The following EXOC4 variants were observed in gnomAD, a reference collection of about 807,000 sequenced individuals.
EXOC4 encodes exocyst complex component 4.
Under a neutral mutation model 107.2 loss-of-function variants are expected in EXOC4, and 71 were observed. That is an observed-to-expected ratio of 0.66 (90% CI 0.55 to 0.81). The LOEUF is 0.81. Ranked by LOEUF, EXOC4 falls within the 30% of genes least tolerant of loss-of-function variation. The pLI is 0.00. For synonymous variants in EXOC4, 456 were observed against 441.2 expected, an observed-to-expected ratio of 1.03 and a Z score of -0.42; for missense variants, 1,108 against 1,189.6, an observed-to-expected ratio of 0.93 and a Z score of 1.01.
At chr7:133,476,953 G>A (rs540350076) in intron 8 of EXOC4, among the ~76,000 whole-genome samples, 1 of 103,680 alleles carries the variant, frequency 9.6e-6, no homozygotes, top group South Asian at 5.0e-4. Context: ...AGACAGTGTG[G>A]GCAAGAAAAT....
intron 10 of EXOC4, among the ~76,000 whole-genome samples, chr7:133,809,048 T>C (rs971315871): frequency 6.6e-6 from 1 of 152,072 alleles, no homozygotes; most frequent in African/African-American, 2.4e-5. Flanking sequence ...ATTATTTCAG[T>C]TTGCTGGATT....
At chr7:133,402,879 A>T (rs1239961663) in intron 7 of EXOC4, among the ~76,000 whole-genome samples, 1 of 143,586 alleles carries the variant, frequency 7.0e-6, no homozygotes, top group Admixed American at 7.0e-5. Flanking sequence ...CAAGAGCCTA[A>T]TATTTTTTTT....
intron 13 of EXOC4, 61 bp from the exon 14 acceptor site, chr7:133,937,827 GTGT>G (rs1203728012): frequency 1.3e-6 from 2 of 1,526,334 alleles, no homozygotes; most frequent in Non-Finnish European, 1.8e-6. Flanking sequence ...GCCTAAAACA[GTGT>G]TGCCCGGTCC....
At chr7:133,973,575 T>C (rs775566094) in intron 14 of EXOC4, among the ~76,000 whole-genome samples, 37 of 152,014 alleles carry the variant, frequency 2.4e-4, no homozygotes, top group Non-Finnish European at 4.3e-4. Flanking sequence ...GCAAGGTCAG[T>C]TGAGATTTTA....
At chr7:133,538,839 A>AACAG (rs1800323123) in intron 9 of EXOC4, among the ~76,000 whole-genome samples, 5 of 118,424 alleles carry the variant, frequency 4.2e-5, no homozygotes, top group Non-Finnish European at 5.3e-5. Context: ...TCTTGAAAGA[A>AACAG]AAAGAAAGAA....
At chr7:134,070,796 G>C (rs796474432), downstream of EXOC4, among the ~76,000 whole-genome samples, 39 of 152,012 alleles carry the variant, frequency 2.6e-4, 1 homozygote, top group African/African-American at 9.2e-4. Flanking sequence ...AAAATAAAAG[G>C]AACTTAGGTG....
intron 11 of EXOC4, among the ~76,000 whole-genome samples, chr7:133,872,302 A>G (rs948561256): frequency 2.6e-5 from 4 of 152,218 alleles, no homozygotes; most frequent in African/African-American, 9.6e-5. Flanking sequence ...TTAGCAGTTA[A>G]TTCAATTTTG....
In EXOC4 at chr7:133,817,454, T is replaced by G; in HGVS notation, c.1644T>G (p.Ile548Met). ...NQVLAEINKE[I>M]EGVTKTSDPL... is the part of the protein sequence containing the mutation. ...TCTTGGCTGAGATCAACAAGGAGAT[T>G]GAAGGAGTCACTAAAACATCTGACC... The change falls in exon 11 of 18, where the codon ATT becomes ATG. Residue 548 changes from isoleucine to methionine, a missense_variant. Transcript: ENST00000253861. 6.2e-7 allele frequency: 1 copy of G among 1,614,180 alleles called. No homozygotes were observed. The highest frequency in any genetic ancestry group is 8.5e-7 in the Non-Finnish European group (1 of 1,180,010).
chr7:133,459,432 G>A (rs573152088), intron 7 of EXOC4, among the ~76,000 whole-genome samples: 11 of 152,284 alleles, frequency 7.2e-5, no homozygotes, highest in African/African-American at 2.4e-4. Context: ...GTCTTTTTGA[G>A]AGTTAAAATT....
the EXOC4 span, among the ~76,000 whole-genome samples, chr7:134,079,650 G>A: frequency 2.6e-5 from 4 of 152,256 alleles, no homozygotes; most frequent in South Asian, 4.2e-4. Context: ...GGAGCTGCCC[G>A]GTTGGGCTAT....
At position 133,400,545 on chromosome 7, in the gene EXOC4, T is replaced by A. The variant is rs187613158; in HGVS notation, c.1182+25543T>A. The stretch of plus-strand genomic sequence containing the variant: ...CTTTATTTTTTTCTTAGGATTCTTT[T>A]TGCTTTTCTTTTTTACAACAGCCTA... On this transcript the variant is annotated intron_variant, in intron 7 of 17. Coordinates refer to ENST00000253861, the MANE Select transcript of EXOC4 (RefSeq NM_021807.4). Among the ~76,000 whole-genome samples the A allele has an allele frequency of 3.3e-5, 5 of 152,338 alleles. No homozygotes were observed. In the East Asian group the frequency reaches 9.6e-4, roughly 29 times the overall value.
At chr7:133,616,905 ATTTTATAATC>A (rs1802206364) in intron 9 of EXOC4, among the ~76,000 whole-genome samples, 1 of 152,146 alleles carries the variant, frequency 6.6e-6, no homozygotes. Flanking sequence ...TGTAAAGGAA[ATTTTATAATC>A]TAAGAAATCA....
At chr7:133,727,553 GGTTA>G (rs1404229600) in intron 10 of EXOC4, 1 of 153,682 alleles carries the variant, frequency 6.5e-6, no homozygotes, top group Non-Finnish European at 1.5e-5. Context: ...CTGCCTTTGG[GGTTA>G]GTATGTTGTA....
intron 9 of EXOC4, among the ~76,000 whole-genome samples, chr7:133,564,946 C>G (rs1800877299): frequency 6.6e-6 from 1 of 152,126 alleles, no homozygotes; most frequent in Admixed American, 6.5e-5. Context: ...GAACTCAAAC[C>G]TAACCCAGCC....
chr7:133,965,433 GT>G (rs1801042627), intron 14 of EXOC4, among the ~76,000 whole-genome samples: 1 of 152,154 alleles, frequency 6.6e-6, no homozygotes, highest in South Asian at 2.1e-4. Flanking sequence ...TATTGCCTAG[GT>G]TTTCTTCTAG....
chr7:133,713,452 A>G (rs1313237775), intron 10 of EXOC4, among the ~76,000 whole-genome samples: 2 of 152,204 alleles, frequency 1.3e-5, no homozygotes. Flanking sequence ...TATAGGCATT[A>G]TGTTAGTCTT....
chr7:133,999,950 C>T (rs1308740657), intron 15 of EXOC4, among the ~76,000 whole-genome samples: 1 of 152,116 alleles, frequency 6.6e-6, no homozygotes, highest in Non-Finnish European at 1.5e-5. Context: ...GTTGCCATAT[C>T]TTCTTCAACA....
intron 10 of EXOC4, among the ~76,000 whole-genome samples, chr7:133,642,456 C>A (rs1249323473): frequency 1.3e-5 from 2 of 152,148 alleles, no homozygotes; most frequent in South Asian, 2.1e-4. Context: ...GGATCCAGAT[C>A]AAAAAATCTT....
At chr7:133,950,563 A>G (rs1350376989) in intron 14 of EXOC4, among the ~76,000 whole-genome samples, 1 of 152,212 alleles carries the variant, frequency 6.6e-6, no homozygotes, top group Non-Finnish European at 1.5e-5. Context: ...CCCAATTTTC[A>G]GGGAAGTATA....
Sources: gnomAD v4.1 joint callset for allele counts (sites outside exome capture counted in the v4.1 genomes callset) on GRCh38, gnomAD v4.1.1 for gene constraint, MANE v1.5 for transcripts, NCBI Gene and HGNC (gene_info 2026-07-23, HGNC 2026-07-21) for gene names.